Variants in RAPGEF4 observed in about 807,000 individuals in gnomAD.
The protein encoded by RAPGEF4 is Rap guanine nucleotide exchange factor 4.
A neutral mutation model predicts 147.9 loss-of-function variants in RAPGEF4; 66 were observed. That is an observed-to-expected ratio of 0.45 (90% confidence interval 0.37 to 0.55). RAPGEF4 has a LOEUF of 0.55. RAPGEF4 is among the 20% of genes least tolerant of loss of function. The pLI, the probability that RAPGEF4 is intolerant of heterozygous loss-of-function variation, is 0.00. For synonymous variants in RAPGEF4, 419 were observed against 442.7 expected (o/e 0.95, Z 0.67); for missense variants, 1,071 against 1,257.3 (o/e 0.85, Z 2.24).
chr2:172,823,926 G>A (rs991728390), intron 4 of RAPGEF4, among the ~76,000 whole-genome samples: 1 of 152,186 alleles, frequency 6.6e-6, no homozygotes, highest in Non-Finnish European at 1.5e-5. Flanking sequence ...GCCACTTATT[G>A]TAAAATAGAG....
intron 1 of RAPGEF4, among the ~76,000 whole-genome samples, chr2:172,747,781 C>T (rs1694914951): frequency 6.6e-6 from 1 of 152,162 alleles, no homozygotes. Context: ...ATTTATCTCT[C>T]ATAACTGAAA....
chr2:173,045,501 G>C (rs1685353053), intron 29 of RAPGEF4, among the ~76,000 whole-genome samples: 1 of 152,194 alleles, frequency 6.6e-6, no homozygotes, highest in African/African-American at 2.4e-5. Context: ...AAAGATCTGG[G>C]GGTGTGAAGA....
At chr2:172,765,944 C>G (rs980386769) in intron 1 of RAPGEF4, among the ~76,000 whole-genome samples, 2 of 152,134 alleles carry the variant, frequency 1.3e-5, no homozygotes, top group Non-Finnish European at 2.9e-5. Flanking sequence ...GTAGCTGTCA[C>G]TTCTGAACCC....
At chr2:172,749,011 A>G (rs2100282) in intron 1 of RAPGEF4, among the ~76,000 whole-genome samples, 137,874 of 152,282 alleles carry the variant, frequency 0.91, 63,089 homozygotes, top group Non-Finnish European at 0.96. Flanking sequence ...TGATGCAAGA[A>G]GTAGGTCCCC....
chr2:172,754,154 A>G (rs1695551809), intron 1 of RAPGEF4, among the ~76,000 whole-genome samples: 1 of 151,908 alleles, frequency 6.6e-6, no homozygotes, highest in Non-Finnish European at 1.5e-5. Context: ...TTCCTGCAGT[A>G]TTTTTTTTGT....
chr2:172,811,418 A>G (rs1256107549), intron 3 of RAPGEF4, among the ~76,000 whole-genome samples: 1 of 152,220 alleles, frequency 6.6e-6, no homozygotes, highest in Non-Finnish European at 1.5e-5. Context: ...TTACCATTTC[A>G]TGTTCCCTGC....
At chr2:172,812,605 T>C (rs951812782) in intron 3 of RAPGEF4, among the ~76,000 whole-genome samples, 8 of 152,216 alleles carry the variant, frequency 5.3e-5, no homozygotes, top group African/African-American at 1.4e-4. Context: ...ATCCATAAAC[T>C]GTACAGCTAG....
intron 1 of RAPGEF4, among the ~76,000 whole-genome samples, chr2:172,742,540 A>G (rs79817679): frequency 0.025 from 3,785 of 152,316 alleles, 62 homozygotes; most frequent in South Asian, 0.042. Flanking sequence ...TGAGGTATAT[A>G]ATGTCAAGTG....
Position 172,880,473 on chromosome 2 carries a change from A to G in RAPGEF4, c.445-37329A>G, listed in dbSNP as rs148501055. Among the ~76,000 whole-genome samples, 989 of 152,312 alleles carry G rather than the reference A, an allele frequency of 6.5e-3. 5 individuals carry two copies. The highest frequency in any genetic ancestry group is 9.9e-3 in the Non-Finnish European group (672 of 68,022). On this transcript the variant is annotated intron_variant, in intron 4 of 30. Coordinates refer to ENST00000397081, the MANE Select transcript of RAPGEF4 (RefSeq NM_007023.4). Reference sequence around the variant, plus strand: ...CCCAGAGCTCAATACAGTGCCTGGTATATAGGAAATGCTCAAGAAATGACT... The same window carrying G: ...CCCAGAGCTCAATACAGTGCCTGGTGTATAGGAAATGCTCAAGAAATGACT...
At chr2:173,050,757 CAAA>C (rs34661805) in intron 30 of RAPGEF4, among the ~76,000 whole-genome samples, 7 of 120,056 alleles carry the variant, frequency 5.8e-5, no homozygotes, top group Non-Finnish European at 6.8e-5. Context: ...CATTTCTTAA[CAAA>C]AAAAAAAAAA....
intron 17 of RAPGEF4, among the ~76,000 whole-genome samples, chr2:173,007,311 AT>A (rs1694580736): frequency 6.6e-6 from 1 of 152,218 alleles, no homozygotes; most frequent in African/African-American, 2.4e-5. Context: ...AGTGGGAAAA[AT>A]ATTCTGAGCA....
chr2:172,970,117 AAAAT>A (rs1262794104), intron 10 of RAPGEF4, among the ~76,000 whole-genome samples: 3 of 152,066 alleles, frequency 2.0e-5, no homozygotes, highest in African/African-American at 7.2e-5. Context: ...GGGAAAGTGA[AAAAT>A]AAGGAATCTA....
chr2:172,893,772 G>A (rs969716347), intron 4 of RAPGEF4: 1 of 152,122 alleles, frequency 6.6e-6, no homozygotes, highest in Non-Finnish European at 1.5e-5. Context: ...ACTGAAACTC[G>A]ATTCATTGAG....
At chr2:172,745,533 G>A (rs1336062921) in intron 1 of RAPGEF4, among the ~76,000 whole-genome samples, 2 of 150,300 alleles carry the variant, frequency 1.3e-5, no homozygotes, top group African/African-American at 4.9e-5. Context: ...TTGATTTACT[G>A]TTTTCTTTGA....
chr2:172,897,016 A>G (rs977983169), intron 4 of RAPGEF4, among the ~76,000 whole-genome samples: 1 of 152,124 alleles, frequency 6.6e-6, no homozygotes, highest in Non-Finnish European at 1.5e-5. Context: ...ATCAGCATAT[A>G]TGCTTCACCA....
At chr2:172,978,540 C>T (rs754662285) in intron 10 of RAPGEF4, among the ~76,000 whole-genome samples, 1 of 152,194 alleles carries the variant, frequency 6.6e-6, no homozygotes, top group Non-Finnish European at 1.5e-5. Flanking sequence ...AGTAAATCTG[C>T]CCCTGTCCAC....
chr2:172,977,307 A>G (rs1349727898), intron 10 of RAPGEF4, among the ~76,000 whole-genome samples: 1 of 152,112 alleles, frequency 6.6e-6, no homozygotes, highest in Non-Finnish European at 1.5e-5. Flanking sequence ...TCACCCCCGT[A>G]AAGACCAAAG....
intron 6 of RAPGEF4, among the ~76,000 whole-genome samples, chr2:172,942,190 G>T (rs1687225975): frequency 3.5e-5 from 5 of 143,500 alleles, no homozygotes; most frequent in South Asian, 5.2e-4. Context: ...TGGTGCAAAA[G>T]TAATTGCAGT....
intron 10 of RAPGEF4, among the ~76,000 whole-genome samples, chr2:172,967,684 G>T (rs1689996146): frequency 6.6e-6 from 1 of 152,184 alleles, no homozygotes; most frequent in South Asian, 2.1e-4. Flanking sequence ...TCAGTAGTTG[G>T]CTCCGGCTGT....
Sources: gnomAD v4.1 joint callset for allele counts (sites outside exome capture counted in the v4.1 genomes callset) on GRCh38, gnomAD v4.1.1 for gene constraint, MANE v1.5 for transcripts, NCBI Gene and HGNC (gene_info 2026-07-23, HGNC 2026-07-21) for gene names.